PCDH1: variants seen among roughly 807,000 people sequenced by gnomAD.
PCDH1 encodes protocadherin-1.
PCDH1 carries 23 observed loss-of-function variants against 74.6 expected under a neutral mutation model. The observed-to-expected ratio is 0.31, with a 90% CI of 0.22 to 0.44. PCDH1 has a LOEUF of 0.44. Among genes scored for constraint, PCDH1 ranks in the 20% least tolerant of loss-of-function variants. PCDH1 has a pLI of 1.00. For synonymous variants in PCDH1, 647 were observed against 686.1 expected (o/e 0.94, Z 0.89); for missense variants, 1,214 against 1,641.4 (o/e 0.74, Z 4.50).
intron 1 of PCDH1, among the ~76,000 whole-genome samples, chr5:141,871,747 C>T (rs1432091807): frequency 6.6e-6 from 1 of 152,224 alleles, no homozygotes; most frequent in African/African-American, 2.4e-5. Context: ...CAGGGCTTAG[C>T]CCTGGACCTG....
At position 141,872,128 on chromosome 5, in the gene PCDH1, A is replaced by ACC. The variant is rs57726943; in HGVS notation, c.41-2699_41-2698dup. On this transcript the variant is annotated intron_variant, in intron 1 of 4. Coordinates refer to ENST00000287008, the MANE Select transcript of PCDH1 (RefSeq NM_032420.5). ...TGTACTCCATTTGGATCCACCCCCC[A>ACC]CCCCCCCCCTCCACCTGCATGGACC... 8.7e-3 allele frequency among the ~76,000 whole-genome samples: 639 copies of ACC among 73,348 alleles called. 12 individuals carry two copies. Among genetic ancestry groups the ACC allele is most frequent in the African/African-American group, 0.024 (511 of 21,214 alleles). The allele number at this position is 73,348 out of a possible 152,430, so 48.1% of individuals were successfully genotyped here.
Position 141,854,037 on chromosome 5 carries a change from G to C in PCDH1, c.*5C>G, listed in dbSNP as rs1365462717. ...GGGAGGGGGGCCGGCCGGCCAGTAG[G>C]GGGCTCACAGGTAGATCTCGCGCTT... On this transcript the variant is annotated 3_prime_UTR_variant, in exon 5 of 5. Coordinates refer to ENST00000287008, the MANE Select transcript of PCDH1 (RefSeq NM_032420.5). 14 of 1,495,536 alleles carry C rather than the reference G, an allele frequency of 9.4e-6. No individual in the cohort carries two copies. The highest frequency in any genetic ancestry group is 1.4e-5 in the African/African-American group (1 of 71,450). 92.6% of individuals were successfully genotyped at this position (1,495,536 alleles called of 1,614,324 possible). A position where few individuals can be genotyped will look rare whatever the true frequency, so the allele number is the denominator to read the frequency against.
intron 2 of PCDH1, chr5:141,866,022 G>C (rs1752813145): frequency 1.0e-6 from 1 of 987,764 alleles, no homozygotes; most frequent in Non-Finnish European, 1.2e-6. Flanking sequence ...GTGTGAGAAG[G>C]TATATGTGTT....
chr5:141,874,391 C>G (rs1275207952), intron 1 of PCDH1, among the ~76,000 whole-genome samples: 1 of 152,218 alleles, frequency 6.6e-6, no homozygotes, highest in Non-Finnish European at 1.5e-5. Flanking sequence ...CTGCCCTTCC[C>G]CGGGCCCTGG....
chr5:141,862,564 G>C (rs1161771472), intron 3 of PCDH1: 1 of 907,216 alleles, frequency 1.1e-6, no homozygotes, highest in Non-Finnish European at 1.3e-6. Flanking sequence ...AGAAGGGAAG[G>C]GGAAATTGAG....
chr5:141,863,528 T>C lies in PCDH1; in HGVS notation c.2803A>G (p.Lys935Glu), dbSNP rs1391792190. 1 of 1,613,890 alleles carries C rather than the reference T, an allele frequency of 6.2e-7. No individual in the cohort carries two copies. The highest frequency in any genetic ancestry group is 1.1e-5 in the South Asian group (1 of 91,046). Residue 935 changes from lysine to glutamate, a missense_variant, in exon 3 of 5, where the codon AAG becomes GAG. By Grantham distance (56) the Lys-to-Glu change is moderately conservative. Around this residue, in one of 4 missense-constraint regions of PCDH1, gnomAD observed 836 missense variants for 1,182.2 expected, o/e 0.71. Transcript: ENST00000287008. This position sits in a 1 kb window ranked among gnomAD's most constrained non-coding sequence, Gnocchi z 7.5. ...CTCATCAGGTTGAACTTGAGGGACT[T>C]CTGCAGCCCGGCCTCATCCTCGTCC... is the stretch of plus-strand genomic sequence containing the variant. ...VEDEDEAGLQ[K>E]SLKFNLMSDA...
chr5:141,854,823 C>G (rs1752267591), intron 4 of PCDH1, among the ~76,000 whole-genome samples: 2 of 151,962 alleles, frequency 1.3e-5, no homozygotes, highest in Non-Finnish European at 2.9e-5. Flanking sequence ...AGGCGCCCAC[C>G]ACCATATCTG....
chr5:141,863,070 G>C lies in PCDH1; in HGVS notation c.3099+162C>G. 1 of 1,370,148 alleles carries C rather than the reference G, an allele frequency of 7.3e-7. No homozygotes were observed. 84.9% of individuals were successfully genotyped at this position (1,370,148 alleles called of 1,614,324 possible). ...TCACTCAGCCTAATCCGTGTGCCCG[G>C]TGAGGCACTAAGGCCCCACCTCCCA... On this transcript the variant is annotated intron_variant, in intron 3 of 4. Transcript: ENST00000287008. This position sits in a 1 kb window ranked among gnomAD's most constrained non-coding sequence, Gnocchi z 7.5.
Position 141,858,833 on chromosome 5 carries a change from G to C in PCDH1, c.3100-1362C>G, listed in dbSNP as rs142119529. ...TGCTTTGTCTTACTCTATAACTCTG[G>C]ATAGGAGGTTATGAAGATGGCCAGG... On this transcript the variant is annotated intron_variant, in intron 3 of 4. Coordinates refer to ENST00000287008, the MANE Select transcript of PCDH1 (RefSeq NM_032420.5). Among the ~76,000 whole-genome samples, 67 of 152,204 alleles carry C rather than the reference G, an allele frequency of 4.4e-4. 1 individual carries two copies. The highest frequency in any genetic ancestry group is 1.4e-3 in the African/African-American group (59 of 41,538).
Position 141,869,499 on chromosome 5 carries a change from A to C in PCDH1, c.41-68T>G. 1.9e-6 allele frequency: 3 copies of C among 1,565,392 alleles called. No homozygotes were observed. Among genetic ancestry groups the C allele is most frequent in the Non-Finnish European group, 2.6e-6 (3 of 1,163,696 alleles). ...AAAAGCCTGGCCCTGAGCTGCCCAG[A>C]GCTGGCCCCATACTCACCCTCTCCC... On this transcript the variant is annotated intron_variant, in intron 1 of 4. Transcript: ENST00000287008. The surrounding 1 kb of genome is among the most constrained non-coding windows in gnomAD (Gnocchi z 4.9).
At chr5:141,859,659 C>T (rs1226441168) in intron 3 of PCDH1, among the ~76,000 whole-genome samples, 1 of 152,184 alleles carries the variant, frequency 6.6e-6, no homozygotes, top group Non-Finnish European at 1.5e-5. Context: ...CTATCCCTAC[C>T]TCATATCCAA....
chr5:141,863,417 T>C lies in PCDH1; in HGVS notation c.2914A>G (p.Asn972Asp), dbSNP rs1752655853. 3 of 1,560,816 alleles carry C rather than the reference T, an allele frequency of 1.9e-6. No homozygotes were observed. Among genetic ancestry groups the C allele is most frequent in the East Asian group, 2.3e-5 (1 of 44,406 alleles). The change falls in exon 3 of 5, where the codon AAC becomes GAC. Residue 972 changes from asparagine (N) to aspartate (D), a missense_variant. By Grantham distance (23) the Asn-to-Asp change is conservative. Around this residue, in one of 4 missense-constraint regions of PCDH1, gnomAD observed 836 missense variants for 1,182.2 expected, o/e 0.71. Transcript: ENST00000287008. The surrounding 1 kb of genome is among the most constrained non-coding windows in gnomAD (Gnocchi z 7.5). ...SPDLGRHYRS[N>D]SPLPSIQLQP... ...AGCTGGATGGAAGGCAGTGGGGAGTTAGAGCGATAGTGGCGGCCCAGGTCA... is the reference window on the plus strand; with the variant it reads ...AGCTGGATGGAAGGCAGTGGGGAGTCAGAGCGATAGTGGCGGCCCAGGTCA...
chr5:141,866,236 G>T (rs1752827768), intron 2 of PCDH1: 1 of 985,394 alleles, frequency 1.0e-6, no homozygotes, highest in Non-Finnish European at 1.2e-6. Context: ...GGCTGGCGAG[G>T]CACCAATGCG....
In PCDH1 at chr5:141,862,008, G is replaced by T. The variant is rs372456183; in HGVS notation, c.3099+1224C>A. Among the ~76,000 whole-genome samples the T allele has an allele frequency of 6.6e-5, 10 of 151,838 alleles. No homozygotes were observed. In the East Asian group the frequency reaches 9.7e-4, roughly 15 times the overall value. ...CCCTAAGAGTGGGGGTGCAGGGCAG[G>T]TCAATGCAAAGAACTTAGGAATTCG... On this transcript the variant is annotated intron_variant, in intron 3 of 4. Transcript: ENST00000287008.
At chr5:141,866,939 G>C (rs1185421188) in intron 2 of PCDH1, among the ~76,000 whole-genome samples, 1 of 152,176 alleles carries the variant, frequency 6.6e-6, no homozygotes, top group Admixed American at 6.5e-5. Context: ...CTTGGGAATG[G>C]GAACTCCAGC....
chr5:141,868,449 G>A lies in PCDH1; in HGVS notation c.903+120C>T. On this transcript the variant is annotated intron_variant, in intron 2 of 4. Coordinates refer to ENST00000287008, the MANE Select transcript of PCDH1 (RefSeq NM_032420.5). The surrounding 1 kb of genome is among the most constrained non-coding windows in gnomAD (Gnocchi z 4.8). Reference sequence around the variant, plus strand: ...CCCCTGGCTGAGTTTGGGGAGAAGGGGTCTCACTACAGTATTCTGGCAGTT... The same window carrying A: ...CCCCTGGCTGAGTTTGGGGAGAAGGAGTCTCACTACAGTATTCTGGCAGTT... 2 of 1,454,382 alleles carry A rather than the reference G, an allele frequency of 1.4e-6. No individual in the cohort carries two copies. The highest frequency in any genetic ancestry group is 1.8e-6 in the Non-Finnish European group (2 of 1,106,922). 90.1% of individuals were successfully genotyped at this position (1,454,382 alleles called of 1,614,324 possible). A position where few individuals can be genotyped will look rare whatever the true frequency, so the allele number is the denominator to read the frequency against.
At chr5:141,876,785 C>G (rs1753249035) in intron 1 of PCDH1, among the ~76,000 whole-genome samples, 1 of 149,820 alleles carries the variant, frequency 6.7e-6, no homozygotes, top group African/African-American at 2.5e-5. Context: ...GCGGGACCCA[C>G]CAAGGTGTGT....
intron 3 of PCDH1, among the ~76,000 whole-genome samples, chr5:141,860,129 T>C (rs1232489915): frequency 6.6e-6 from 1 of 152,160 alleles, no homozygotes; most frequent in East Asian, 1.9e-4. Flanking sequence ...AGAAGCCCAT[T>C]TCCATGTCTT....
chr5:141,859,962 C>T (rs1240015546), intron 3 of PCDH1, among the ~76,000 whole-genome samples: 2 of 152,188 alleles, frequency 1.3e-5, no homozygotes, highest in Non-Finnish European at 2.9e-5. Context: ...TCTTATGCCC[C>T]TCTTCTTGCC....
Sources: allele counts gnomAD v4.1 joint callset (sites outside exome capture counted in the v4.1 genomes callset), GRCh38; gene constraint gnomAD v4.1.1; regional missense constraint gnomAD v4.1.1; non-coding constraint Gnocchi (gnomAD v3.1); transcripts MANE v1.5; gene names NCBI Gene and HGNC (gene_info 2026-07-23, HGNC 2026-07-21).